The following RXRA variants were observed in gnomAD, a reference collection of about 807,000 sequenced individuals.
The protein encoded by RXRA is retinoic acid receptor RXR-alpha.
In RXRA, 5 loss-of-function variants were observed where a neutral mutation model predicts 44.5. The observed-to-expected ratio is 0.11, with a 90% confidence interval of 0.06 to 0.24. The LOEUF is 0.24. Among genes scored for constraint, RXRA ranks in the 10% least tolerant of loss-of-function variants. RXRA has a pLI of 1.00. For missense variants in RXRA, 412 were observed against 646.5 expected, an observed-to-expected ratio of 0.64 and a Z score of 3.93; for synonymous variants, 291 against 271.4, an observed-to-expected ratio of 1.07 and a Z score of -0.71.
At position 134,366,138 on chromosome 9, in the gene RXRA, A is replaced by G. The variant is rs1245664517; in HGVS notation, c.29-35494A>G. On this transcript the variant is annotated intron_variant, in intron 1 of 9. Coordinates refer to ENST00000481739, the MANE Select transcript of RXRA (RefSeq NM_002957.6). This position sits in a 1 kb window ranked among gnomAD's most constrained non-coding sequence, Gnocchi z 5.9. The stretch of plus-strand genomic sequence containing the variant: ...GTCCCTGGGTACAGATGAGAAGCCA[A>G]GGCTCAGAGGCACCAGGGCCCCAGT... Among the ~76,000 whole-genome samples, 3 of 152,204 alleles carry G rather than the reference A, an allele frequency of 2.0e-5. No individual in the cohort carries two copies. The highest frequency in any genetic ancestry group is 3.4e-3 in the Middle Eastern group (1 of 292).
chr9:134,408,108 C>A (rs919775129), intron 2 of RXRA, 41 bp from the exon 3 acceptor site: 1 of 1,484,126 alleles, frequency 6.7e-7, no homozygotes, highest in Non-Finnish European at 9.0e-7. Context: ...AGGGACAAAC[C>A]TGGTGTACAC....
At chr9:134,391,123 G>A (rs919335023) in intron 1 of RXRA, among the ~76,000 whole-genome samples, 12 of 152,186 alleles carry the variant, frequency 7.9e-5, no homozygotes, top group Admixed American at 7.2e-4. Flanking sequence ...GACTGGGGAT[G>A]TCCCCCAGAG....
chr9:134,374,594 C>T (rs1366321146), intron 1 of RXRA, among the ~76,000 whole-genome samples: 3 of 152,234 alleles, frequency 2.0e-5, no homozygotes, highest in Non-Finnish European at 4.4e-5. Flanking sequence ...ACAACCTCCA[C>T]ATGTTGAGCC....
chr9:134,368,951 A>C (rs541375485), intron 1 of RXRA, among the ~76,000 whole-genome samples: 10 of 66,588 alleles, frequency 1.5e-4, no homozygotes, highest in African/African-American at 5.3e-4. Flanking sequence ...TATGTGTGTG[A>C]GTGCGGGGGT....
intron 1 of RXRA, among the ~76,000 whole-genome samples, chr9:134,344,744 C>A (rs917640109): frequency 6.6e-6 from 1 of 152,228 alleles, no homozygotes; most frequent in Admixed American, 6.5e-5. Flanking sequence ...CACCACCATA[C>A]CCCTTAGCAA....
chr9:134,346,711 T>G (rs1830157301), intron 1 of RXRA, among the ~76,000 whole-genome samples: 1 of 152,222 alleles, frequency 6.6e-6, no homozygotes, highest in South Asian at 2.1e-4. Context: ...GGGGATGTCA[T>G]GTACCTTCAC....
chr9:134,425,014 G>A (rs770854869), intron 6 of RXRA: 2 of 985,462 alleles, frequency 2.0e-6, no homozygotes, highest in Admixed American at 6.1e-5. Flanking sequence ...CGACAGCAAC[G>A]ATGGGAATGG....
At chr9:134,360,049 G>A (rs1029566383) in intron 1 of RXRA, among the ~76,000 whole-genome samples, 2 of 152,244 alleles carry the variant, frequency 1.3e-5, no homozygotes, top group African/African-American at 2.4e-5. Context: ...GGGTGGAGGT[G>A]TGGCGTGCCC....
intron 6 of RXRA, chr9:134,424,982 G>A (rs1831408759): frequency 1.0e-6 from 1 of 985,340 alleles, no homozygotes; most frequent in Admixed American, 6.1e-5. Context: ...CAGTGCTGGT[G>A]GGGGAGGTCA....
chr9:134,327,127 C>T (rs1434137052), intron 1 of RXRA, among the ~76,000 whole-genome samples: 3 of 152,086 alleles, frequency 2.0e-5, no homozygotes, highest in African/African-American at 7.2e-5. Flanking sequence ...AGGCCGCTGG[C>T]CCTTGGGTGT....
At chr9:134,422,417 T>C in intron 6 of RXRA, 2 of 1,206,256 alleles carry the variant, frequency 1.7e-6, no homozygotes, top group Admixed American at 2.9e-5. Context: ...GACATTCCAC[T>C]CTCCCTGGAC....
chr9:134,401,915 G>A (rs2234753), intron 2 of RXRA, 33 bp downstream of exon 2: 1,158,713 of 1,515,030 alleles, frequency 0.76, 445,516 homozygotes, highest in African/African-American at 0.92. Flanking sequence ...GGGAGGGGGT[G>A]GGGCCTGGGG....
intron 4 of RXRA, among the ~76,000 whole-genome samples, chr9:134,413,518 G>A (rs1038375360): frequency 6.6e-6 from 1 of 152,124 alleles, no homozygotes; most frequent in African/African-American, 2.4e-5. Flanking sequence ...CTGGGTCTCT[G>A]TCTCCCCACC....
chr9:134,340,184 T>C (rs4917352), intron 1 of RXRA, among the ~76,000 whole-genome samples: 55,136 of 152,030 alleles, frequency 0.36, 10,839 homozygotes, highest in African/African-American at 0.52. Context: ...TGATGGCTTG[T>C]GCCTGCGGGT....
At chr9:134,377,218 C>T (rs1830569249) in intron 1 of RXRA, among the ~76,000 whole-genome samples, 1 of 152,220 alleles carries the variant, frequency 6.6e-6, no homozygotes, top group Non-Finnish European at 1.5e-5. Flanking sequence ...GGGCCTCTGG[C>T]AGTGTTGGGG....
chr9:134,350,738 G>C, intron 1 of RXRA, among the ~76,000 whole-genome samples: 1 of 152,360 alleles, frequency 6.6e-6, no homozygotes, highest in Middle Eastern at 3.4e-3. Flanking sequence ...GCCTTCTGCC[G>C]AGGTGGGTGG....
intron 1 of RXRA, among the ~76,000 whole-genome samples, chr9:134,354,927 C>T (rs149706627): frequency 1.3e-5 from 2 of 152,342 alleles, no homozygotes; most frequent in East Asian, 1.9e-4. Flanking sequence ...ACTGGGAAGC[C>T]GTGGTTGGGA....
intron 4 of RXRA, among the ~76,000 whole-genome samples, chr9:134,415,082 C>CA (rs1831212331): frequency 6.6e-6 from 1 of 152,232 alleles, no homozygotes; most frequent in Non-Finnish European, 1.5e-5. Flanking sequence ...ATGCCGACTG[C>CA]GGGGTCCCTG....
Position 134,401,730 on chromosome 9 carries a change from T to A in RXRA, c.127T>A (p.Ser43Thr). Residue 43 changes from serine (S) to threonine (T), a missense_variant, in exon 2 of 10, where the codon TCC (serine) becomes ACC (threonine). By Grantham distance (58) the Ser-to-Thr change is moderately conservative (BLOSUM62 1). Coordinates refer to ENST00000481739, the MANE Select transcript of RXRA (RefSeq NM_002957.6). ...LHPSLGPGIGSPGQLHSPIST... is the reference protein window; with the variant it reads ...LHPSLGPGIGTPGQLHSPIST... ...CCCGTCCCTGGGGCCTGGCATCGGCTCCCCGGGACAGCTGCATTCTCCCAT... is the reference window on the plus strand; with the variant it reads ...CCCGTCCCTGGGGCCTGGCATCGGCACCCCGGGACAGCTGCATTCTCCCAT... 1 of 1,612,926 alleles carries A rather than the reference T, an allele frequency of 6.2e-7. No individual in the cohort carries two copies. Among genetic ancestry groups the A allele is most frequent in the Non-Finnish European group, 8.5e-7 (1 of 1,179,954 alleles).
Sources: allele counts gnomAD v4.1 joint callset (sites outside exome capture counted in the v4.1 genomes callset), GRCh38; gene constraint gnomAD v4.1.1; non-coding constraint Gnocchi (gnomAD v3.1); transcripts MANE v1.5; gene names NCBI Gene and HGNC (gene_info 2026-07-23, HGNC 2026-07-21).